The following EXD1 variants were observed in gnomAD, a reference collection of about 807,000 sequenced individuals.
The protein encoded by EXD1 is piRNA biogenesis protein EXD1.
A neutral mutation model predicts 49.1 loss-of-function variants in EXD1; 63 were observed. That is an observed-to-expected ratio of 1.28 (90% CI 1.05 to 1.58). The LOEUF is 1.58. Ranked by LOEUF, EXD1 falls within the 40% of genes most tolerant of loss-of-function variation. The pLI, the probability that EXD1 is intolerant of heterozygous loss-of-function variation, is 0.00. For synonymous variants in EXD1, 234 were observed against 239.2 expected (o/e 0.98, Z 0.20); for missense variants, 748 against 666.0 (o/e 1.12, Z -1.36).
intron 2 of EXD1, among the ~76,000 whole-genome samples, chr15:41,223,998 G>GT: frequency 6.6e-6 from 1 of 152,160 alleles, no homozygotes; most frequent in South Asian, 2.1e-4. Flanking sequence ...GGGACTATAG[G>GT]TTAGACTAAG....
intron 6 of EXD1, among the ~76,000 whole-genome samples, chr15:41,212,957 C>T (rs1231563280): frequency 1.3e-5 from 2 of 151,992 alleles, no homozygotes; most frequent in African/African-American, 4.8e-5. Flanking sequence ...GGGAGGATTG[C>T]TTGAGCCCAG....
In EXD1 at chr15:41,190,938, G is replaced by A. The variant is rs1448564382; in HGVS notation, c.864+504C>T. ...TATTTATTTATTATTTTTTGAGACA[G>A]AGTCTCACTCTGTTGCCCAGGCTGG... On this transcript the variant is annotated intron_variant, in intron 10 of 11. Transcript: ENST00000458580. 4.0e-5 allele frequency among the ~76,000 whole-genome samples: 6 copies of A among 151,704 alleles called. No individual in the cohort carries two copies. The East Asian group carries it at 9.6e-4, about 24-fold the overall frequency.
chr15:41,211,886 C>T (rs952859056), intron 6 of EXD1, among the ~76,000 whole-genome samples: 5 of 151,722 alleles, frequency 3.3e-5, no homozygotes, highest in Non-Finnish European at 7.4e-5. Context: ...TGCTAGAGAT[C>T]CTAGGAGGTG....
At position 41,230,706 on chromosome 15, in the gene EXD1, G is replaced by GGACACACGCCGCAGAGGC. The variant is rs2047229560; in HGVS notation, c.-299_-282dup. The GGACACACGCCGCAGAGGC allele has an allele frequency of 1.4e-6, 1 of 722,916 alleles. No homozygotes were observed. Among genetic ancestry groups the GGACACACGCCGCAGAGGC allele is most frequent in the Non-Finnish European group, 2.2e-6 (1 of 450,856 alleles). The allele number at this position is 722,916 out of a possible 1,614,324, so 44.8% of individuals were successfully genotyped here. Reference sequence around the variant, plus strand: ...CCTGGAGAAAGGTCCGCGACGCCGGGGACACACGCCGCAGAGGCGACGCCC... The same window carrying GGACACACGCCGCAGAGGC: ...CCTGGAGAAAGGTCCGCGACGCCGGGGACACACGCCGCAGAGGCGACACACGCCGCAGAGGCGACGCCC... On this transcript the variant is annotated 5_prime_UTR_variant, in exon 1 of 12. Coordinates refer to ENST00000458580, the MANE Select transcript of EXD1 (RefSeq NM_001286441.2).
chr15:41,210,614 T>A (rs1473731168), intron 6 of EXD1, among the ~76,000 whole-genome samples: 1 of 151,704 alleles, frequency 6.6e-6, no homozygotes, highest in Non-Finnish European at 1.5e-5. Flanking sequence ...CACTTGAGCC[T>A]GGGAGGCTGA....
At chr15:41,196,901 C>T (rs532055696) in intron 7 of EXD1, among the ~76,000 whole-genome samples, 2 of 152,218 alleles carry the variant, frequency 1.3e-5, no homozygotes, top group Admixed American at 6.6e-5. Context: ...TCTTGGCTCA[C>T]TGCAAATTCA....
At chr15:41,229,186 A>G (rs1166605850) in intron 1 of EXD1, among the ~76,000 whole-genome samples, 1 of 152,212 alleles carries the variant, frequency 6.6e-6, no homozygotes, top group Non-Finnish European at 1.5e-5. Flanking sequence ...AATCATAAAA[A>G]TAACTCTAAG....
At chr15:41,220,311 C>G (rs1213324301) in intron 2 of EXD1, among the ~76,000 whole-genome samples, 1 of 151,386 alleles carries the variant, frequency 6.6e-6, no homozygotes, top group Non-Finnish European at 1.5e-5. Flanking sequence ...CGTTCTGTCA[C>G]GTAGGCTGCA....
intron 3 of EXD1, among the ~76,000 whole-genome samples, chr15:41,218,500 A>C: frequency 6.6e-6 from 1 of 151,632 alleles, no homozygotes; most frequent in East Asian, 1.9e-4. Context: ...AAAAAAAAAA[A>C]AAAAAGTATG....
chr15:41,201,020 C>G (rs1305117098), intron 7 of EXD1, among the ~76,000 whole-genome samples: 1 of 151,716 alleles, frequency 6.6e-6, no homozygotes, highest in Admixed American at 6.6e-5. Flanking sequence ...GTTACAGGTA[C>G]GTGCCACCAC....
chr15:41,196,641 G>A (rs2046619111), intron 7 of EXD1, among the ~76,000 whole-genome samples: 1 of 151,596 alleles, frequency 6.6e-6, no homozygotes, highest in South Asian at 2.1e-4. Flanking sequence ...ATATTGGCCA[G>A]GCTGGTCTCG....
In EXD1 at chr15:41,192,517, G is replaced by A. The variant is rs561732213; in HGVS notation, c.721-932C>T. The stretch of plus-strand genomic sequence containing the variant: ...TCACCATGTTGGCCAGGATAGTCTC[G>A]ATCTCTTGACCTCGTGATCCGCCCG... On this transcript the variant is annotated intron_variant, in intron 9 of 11. Coordinates refer to ENST00000458580, the MANE Select transcript of EXD1 (RefSeq NM_001286441.2). Among the ~76,000 whole-genome samples the A allele has an allele frequency of 3.4e-5, 5 of 148,354 alleles. No individual in the cohort carries two copies. The East Asian group carries it at 1.0e-3, about 30-fold the overall frequency.
At chr15:41,229,250 G>T (rs1379282031) in intron 1 of EXD1, among the ~76,000 whole-genome samples, 1 of 152,164 alleles carries the variant, frequency 6.6e-6, no homozygotes, top group Non-Finnish European at 1.5e-5. Context: ...GGCCGAGGCG[G>T]GTGGATCACC....
rs555393615 is a variant in EXD1, at chr15:41,192,819, G to T, written c.721-1234C>A. ...TTTTTTTTTTTTTTTTTTTTGAGAC[G>T]GAGTCTCGTTCTGTCGCCCAGGCGG... On this transcript the variant is annotated intron_variant, in intron 9 of 11. Coordinates refer to ENST00000458580, the MANE Select transcript of EXD1 (RefSeq NM_001286441.2). Among the ~76,000 whole-genome samples, 10 of 136,426 alleles carry T rather than the reference G, an allele frequency of 7.3e-5. No homozygotes were observed. The South Asian group carries it at 2.3e-3, about 32-fold the overall frequency. 89.5% of individuals were successfully genotyped at this position (136,426 alleles called of 152,430 possible).
At chr15:41,199,868 TATATATATCATATATATATGATATATATA>T (rs1405085633) in intron 7 of EXD1, among the ~76,000 whole-genome samples, 5 of 144,982 alleles carry the variant, frequency 3.4e-5, no homozygotes, top group African/African-American at 7.6e-5. Flanking sequence ...ATATGATCTG[TATATATATCATATATATATGATATATATA>T]ATATATATAC....
intron 10 of EXD1, 78 bp from the exon 11 acceptor site, chr15:41,190,206 G>A (rs763136287): frequency 6.8e-7 from 1 of 1,471,380 alleles, no homozygotes; most frequent in Non-Finnish European, 9.4e-7. Context: ...TGGGCACAGT[G>A]GCTCATGCCT....
chr15:41,217,939 T>C (rs2047026385), intron 3 of EXD1, among the ~76,000 whole-genome samples: 1 of 152,222 alleles, frequency 6.6e-6, no homozygotes, highest in South Asian at 2.1e-4. Flanking sequence ...TAAAATTGAC[T>C]GAAAAATGCT....
chr15:41,221,479 G>A (rs1254818392), intron 2 of EXD1, among the ~76,000 whole-genome samples: 1 of 151,040 alleles, frequency 6.6e-6, no homozygotes, highest in Admixed American at 6.6e-5. Flanking sequence ...TCACTATGTT[G>A]CCCAGGCTGG....
intron 5 of EXD1, 92 bp from the exon 6 acceptor site, chr15:41,215,925 T>C (rs2046993305): frequency 1.6e-6 from 2 of 1,288,258 alleles, no homozygotes; most frequent in Admixed American, 1.7e-5. Flanking sequence ...ATATTCCTAC[T>C]GTATTGCAAC....
Sources: gnomAD v4.1 joint callset for allele counts (sites outside exome capture counted in the v4.1 genomes callset) on GRCh38, gnomAD v4.1.1 for gene constraint, MANE v1.5 for transcripts, NCBI Gene and HGNC (gene_info 2026-07-23, HGNC 2026-07-21) for gene names.